Variants in GRM7 observed in about 807,000 individuals in gnomAD.
GRM7 encodes the protein metabotropic glutamate receptor 7.
Under a neutral mutation model 84.5 loss-of-function variants are expected in GRM7, and 35 were observed. The ratio of observed to expected loss-of-function variants is 0.41; its 90% confidence interval spans 0.32 to 0.55. The LOEUF is 0.55. Among genes scored for constraint, GRM7 ranks in the 20% least tolerant of loss-of-function variants. The probability of loss-of-function intolerance (pLI) is 0.19; values close to 1 mark genes in which losing one functional copy is unlikely to be tolerated. For missense variants in GRM7, 1,003 were observed against 1,194.6 expected, an observed-to-expected ratio of 0.84 and a Z score of 2.36; for synonymous variants, 487 against 455.1, an observed-to-expected ratio of 1.07 and a Z score of -0.89.
At chr3:7,080,665 C>T (rs1409309271) in intron 1 of GRM7, among the ~76,000 whole-genome samples, 1 of 148,198 alleles carries the variant, frequency 6.7e-6, no homozygotes, top group East Asian at 2.0e-4. Context: ...TATATATAAA[C>T]ACGCACATGT....
At chr3:7,638,740 A>G (rs17047767) in intron 8 of GRM7, among the ~76,000 whole-genome samples, 2,658 of 152,294 alleles carry the variant, frequency 0.017, 83 homozygotes, top group African/African-American at 0.06. Flanking sequence ...AGATGGTCAT[A>G]ATATCAACAG....
At chr3:7,501,962 T>G (rs1699897616) in intron 7 of GRM7, among the ~76,000 whole-genome samples, 1 of 152,180 alleles carries the variant, frequency 6.6e-6, no homozygotes. Context: ...ATTGCCTCAT[T>G]TGATGGATAA....
At chr3:7,280,157 CT>C (rs1699206065) in intron 2 of GRM7, among the ~76,000 whole-genome samples, 1 of 152,160 alleles carries the variant, frequency 6.6e-6, no homozygotes, top group Admixed American at 6.5e-5. Flanking sequence ...ATAAAAAGGC[CT>C]TACCCCTTCT....
In GRM7 at chr3:6,986,045, G is replaced by A. The variant is rs535241565; in HGVS notation, c.519+124138G>A. On this transcript the variant is annotated intron_variant, in intron 1 of 9. Transcript: ENST00000357716. ...CTAGTGATGATGAGAGCCTTTGCACGTACCTGGTGGCCACAGTGGGTATGA... is the reference window on the plus strand; with the variant it reads ...CTAGTGATGATGAGAGCCTTTGCACATACCTGGTGGCCACAGTGGGTATGA... Among the ~76,000 whole-genome samples the A allele has an allele frequency of 1.7e-4, 26 of 152,174 alleles. No individual in the cohort carries two copies. In the East Asian group the frequency reaches 3.9e-3, roughly 23 times the overall value.
intron 1 of GRM7, among the ~76,000 whole-genome samples, chr3:6,918,082 G>T (rs1341437432): frequency 3.9e-5 from 6 of 152,052 alleles, no homozygotes; most frequent in Non-Finnish European, 7.4e-5. Flanking sequence ...TGAAAGCTTT[G>T]TACTTTCCAA....
At chr3:7,242,239 C>G (rs945346105) in intron 2 of GRM7, among the ~76,000 whole-genome samples, 1 of 152,158 alleles carries the variant, frequency 6.6e-6, no homozygotes, top group East Asian at 1.9e-4. Flanking sequence ...CTGTTTACTT[C>G]CCAGGGAGCC....
intron 8 of GRM7, among the ~76,000 whole-genome samples, chr3:7,655,339 A>G (rs1699133171): frequency 4.6e-5 from 7 of 152,224 alleles, no homozygotes. Context: ...CCCAAGGTTC[A>G]AAGTTATCAA....
At chr3:7,046,276 A>G (rs1319704028) in intron 1 of GRM7, among the ~76,000 whole-genome samples, 1 of 152,066 alleles carries the variant, frequency 6.6e-6, no homozygotes, top group East Asian at 1.9e-4. Context: ...AGATTTCTAA[A>G]CAGGGCTCCC....
At chr3:6,971,953 A>C (rs1025551290) in intron 1 of GRM7, among the ~76,000 whole-genome samples, 1 of 152,334 alleles carries the variant, frequency 6.6e-6, no homozygotes, top group African/African-American at 2.4e-5. Context: ...AATGATTAAT[A>C]ATAGCATTTT....
chr3:7,038,457 C>A (rs1384806799), intron 1 of GRM7, among the ~76,000 whole-genome samples: 1 of 152,164 alleles, frequency 6.6e-6, no homozygotes, highest in Non-Finnish European at 1.5e-5. Context: ...TGAGAGACAG[C>A]AAAGGCAGAG....
chr3:7,335,088 T>C (rs1701352634), intron 4 of GRM7, among the ~76,000 whole-genome samples: 1 of 152,132 alleles, frequency 6.6e-6, no homozygotes, highest in Admixed American at 6.6e-5. Flanking sequence ...CAGAACATTC[T>C]ACTCAACAAC....
intron 1 of GRM7, among the ~76,000 whole-genome samples, chr3:6,936,491 C>G (rs527807779): frequency 1.3e-5 from 2 of 152,164 alleles, no homozygotes; most frequent in African/African-American, 4.8e-5. Context: ...TGTTATTCCT[C>G]ATATCTGCTA....
chr3:6,901,226 C>T (rs1439194472), intron 1 of GRM7, among the ~76,000 whole-genome samples: 1 of 152,000 alleles, frequency 6.6e-6, no homozygotes, highest in East Asian at 1.9e-4. Flanking sequence ...ACAACAAGAT[C>T]CATCTGAGAA....
At chr3:7,713,133 T>TTG (rs1253398877) in intron 9 of GRM7, among the ~76,000 whole-genome samples, 41 of 137,326 alleles carry the variant, frequency 3.0e-4, no homozygotes, top group East Asian at 6.2e-4. Context: ...TGTTTTTTTT[T>TTG]TTTTTTTTTT....
At position 7,588,817 on chromosome 3, in the gene GRM7, A is replaced by G. The variant is rs545373129; in HGVS notation, c.2451+9460A>G. Among the ~76,000 whole-genome samples, 221 of 152,290 alleles carry G rather than the reference A, an allele frequency of 1.5e-3. 1 individual carries two copies. Among genetic ancestry groups the G allele is most frequent in the African/African-American group, 4.8e-3 (200 of 41,576 alleles). ...CATCCCATTTTCCTTCTCATATTGCACGCTCTTCGTCCTCACTTTCAACTG... is the reference window on the plus strand; with the variant it reads ...CATCCCATTTTCCTTCTCATATTGCGCGCTCTTCGTCCTCACTTTCAACTG... On this transcript the variant is annotated intron_variant, in intron 8 of 9. Coordinates refer to ENST00000357716, the MANE Select transcript of GRM7 (RefSeq NM_000844.4).
At chr3:7,312,936 C>CTTTTTTT (rs372557190) in intron 4 of GRM7, among the ~76,000 whole-genome samples, 27 of 127,254 alleles carry the variant, frequency 2.1e-4, no homozygotes, top group African/African-American at 3.4e-4. Context: ...TTCTTTTTTT[C>CTTTTTTT]TTTTTTTTTT....
intron 1 of GRM7, among the ~76,000 whole-genome samples, chr3:7,065,011 C>G (rs1697601950): frequency 6.6e-6 from 1 of 151,800 alleles, no homozygotes; most frequent in Non-Finnish European, 1.5e-5. Context: ...CTGTTCATGT[C>G]CTTAGCCCAC....
intron 3 of GRM7, among the ~76,000 whole-genome samples, chr3:7,304,817 T>A (rs1700132478): frequency 6.6e-6 from 1 of 152,200 alleles, no homozygotes; most frequent in African/African-American, 2.4e-5. Context: ...TTTTGTTTTT[T>A]TTCCCATATA....
chr3:7,477,437 G>A (rs1401531407), intron 7 of GRM7, among the ~76,000 whole-genome samples: 1 of 152,078 alleles, frequency 6.6e-6, no homozygotes, highest in African/African-American at 2.4e-5. Context: ...CTTCAACCCT[G>A]ACGCAAACTG....
Sources: gnomAD v4.1 joint callset for allele counts (sites outside exome capture counted in the v4.1 genomes callset) on GRCh38, gnomAD v4.1.1 for gene constraint, MANE v1.5 for transcripts, NCBI Gene and HGNC (gene_info 2026-07-23, HGNC 2026-07-21) for gene names.